Variants in HHLA1 observed in about 807,000 individuals in gnomAD.
HHLA1 encodes HHLA1 neighbor of OC90.
In HHLA1, 72 loss-of-function variants were observed where a neutral mutation model predicts 69.9. The ratio of observed to expected loss-of-function variants is 1.03; its 90% CI spans 0.85 to 1.25. The LOEUF (loss-of-function observed/expected upper bound fraction) is 1.25, where lower values mean the gene tolerates loss of function less well. HHLA1 is among the 50% of genes most tolerant of loss of function. HHLA1 has a pLI of 0.00. For missense variants in HHLA1, 685 were observed against 642.2 expected (o/e 1.07, Z -0.72); for synonymous variants, 252 against 233.2 (o/e 1.08, Z -0.73).
chr8:132,081,780 A>G (rs1299032728), intron 10 of HHLA1, among the ~76,000 whole-genome samples: 1 of 152,304 alleles, frequency 6.6e-6, no homozygotes, highest in Admixed American at 6.5e-5. Flanking sequence ...CTCGAGCTTC[A>G]TGTGTACGGA....
chr8:132,064,454 A>G (rs1336631804), intron 16 of HHLA1, among the ~76,000 whole-genome samples: 1 of 152,144 alleles, frequency 6.6e-6, no homozygotes, highest in Admixed American at 6.5e-5. Context: ...AAGATTTCCT[A>G]TTTCCTCTCC....
intron 1 of HHLA1, among the ~76,000 whole-genome samples, chr8:132,110,240 G>A (rs1824274069): frequency 6.6e-6 from 1 of 152,190 alleles, no homozygotes; most frequent in Non-Finnish European, 1.5e-5. Flanking sequence ...AGTGACACAT[G>A]TTCTGAGGCA....
chr8:132,073,541 A>G (rs879646195), intron 14 of HHLA1, among the ~76,000 whole-genome samples: 1 of 152,212 alleles, frequency 6.6e-6, no homozygotes, highest in Admixed American at 6.5e-5. Context: ...AGAAGTATAC[A>G]GAAGAGGACA....
intron 1 of HHLA1, among the ~76,000 whole-genome samples, chr8:132,106,847 G>A (rs1449172622): frequency 6.6e-6 from 1 of 152,210 alleles, no homozygotes; most frequent in African/African-American, 2.4e-5. Flanking sequence ...AGGGTGACTG[G>A]GGGTGGAAGT....
rs773869713 is a variant in HHLA1, at chr8:132,099,004, C to T, written c.200-42G>A. 47 of 1,391,010 alleles carry T rather than the reference C, an allele frequency of 3.4e-5. No individual in the cohort carries two copies. The African/African-American group carries it at 3.8e-4, about 11-fold the overall frequency. 86.2% of individuals were successfully genotyped at this position (1,391,010 alleles called of 1,614,324 possible). On this transcript the variant is annotated intron_variant, in intron 4 of 16. Coordinates refer to ENST00000414222, the MANE Select transcript of HHLA1 (RefSeq NM_001145095.3). ...GATAATGTCACTGGCAGGCTTTTCT[C>T]GGCAAGAGAAAAAGTTTCTCATTTC...
chr8:132,077,701 G>T, intron 12 of HHLA1, 25 bp downstream of exon 12: 1 of 1,548,632 alleles, frequency 6.5e-7, no homozygotes. Context: ...AAACGGGAGA[G>T]GTAGAAGTGA....
chr8:132,106,198 G>A (rs1017016116), intron 1 of HHLA1, among the ~76,000 whole-genome samples: 1 of 152,214 alleles, frequency 6.6e-6, no homozygotes, highest in African/African-American at 2.4e-5. Context: ...TTATCTGGAA[G>A]GTGAATTGGG....
chr8:132,076,589 G>A, intron 12 of HHLA1, 46 bp from the exon 13 acceptor site: 5 of 1,325,162 alleles, frequency 3.8e-6, no homozygotes, highest in Non-Finnish European at 5.0e-6. Context: ...CTTCTAGGGG[G>A]CCCTGAGGGA....
intron 5 of HHLA1, among the ~76,000 whole-genome samples, chr8:132,096,964 T>A (rs1362032691): frequency 2.6e-5 from 4 of 152,164 alleles, no homozygotes; most frequent in Non-Finnish European, 2.9e-5. Context: ...CATGACCCAC[T>A]GTGCCCGGTC....
chr8:132,075,518 C>T (rs928341349), intron 14 of HHLA1, among the ~76,000 whole-genome samples: 8 of 152,198 alleles, frequency 5.3e-5, no homozygotes, highest in African/African-American at 1.4e-4. Flanking sequence ...TCGTCTAGAT[C>T]CATGAGAATT....
At chr8:132,093,128 G>A (rs1823970922) in intron 7 of HHLA1, among the ~76,000 whole-genome samples, 1 of 152,176 alleles carries the variant, frequency 6.6e-6, no homozygotes, top group Admixed American at 6.5e-5. Context: ...ATATTAGCTG[G>A]GGTACATAGG....
chr8:132,089,504 A>G lies in HHLA1; in HGVS notation c.532+12T>C, dbSNP rs1168047296. On this transcript the variant is annotated intron_variant, in intron 8 of 16. Transcript: ENST00000414222. ...CCTCAAAGTTGCCAAAGCGTTTTCA[A>G]GATGAACACACCTGAGAGGATGGAG... The G allele has an allele frequency of 6.9e-7, 1 of 1,450,702 alleles. No homozygotes were observed. Among genetic ancestry groups the G allele is most frequent in the East Asian group, 2.5e-5 (1 of 40,560 alleles). 89.9% of individuals were successfully genotyped at this position (1,450,702 alleles called of 1,614,324 possible).
chr8:132,079,675 C>T (rs770534221), intron 11 of HHLA1, 43 bp downstream of exon 11: 20 of 1,495,558 alleles, frequency 1.3e-5, no homozygotes, highest in South Asian at 2.7e-5. Context: ...GTAACAGGAG[C>T]GAGACATAGC....
chr8:132,085,914 G>C (rs1823852793), intron 10 of HHLA1, among the ~76,000 whole-genome samples: 1 of 151,920 alleles, frequency 6.6e-6, no homozygotes, highest in Non-Finnish European at 1.5e-5. Flanking sequence ...CACTTCTTTT[G>C]TGATTCTTCA....
chr8:132,090,245 C>T (rs949632051), intron 7 of HHLA1, among the ~76,000 whole-genome samples: 11 of 152,160 alleles, frequency 7.2e-5, no homozygotes, highest in African/African-American at 2.4e-4. Flanking sequence ...AGGGCCATTG[C>T]CTGACATGGT....
rs865884874 is a variant in HHLA1 at position 132,084,058 on chromosome 8, A to G, written c.676+3595T>C. Among the ~76,000 whole-genome samples the G allele has an allele frequency of 5.4e-3, 818 of 152,124 alleles. 3 individuals are homozygous for G. Among genetic ancestry groups the G allele is most frequent in the South Asian group, 0.037 (176 of 4,798 alleles). On this transcript the variant is annotated intron_variant, in intron 10 of 16. Transcript: ENST00000414222. ...GGCTGGATTTTTATATTTGATGAAAAAGAGCCTAAATGCTATCTGATTTGG... is the reference window on the plus strand; with the variant it reads ...GGCTGGATTTTTATATTTGATGAAAGAGAGCCTAAATGCTATCTGATTTGG...
chr8:132,068,970 A>T (rs768052034), intron 15 of HHLA1, among the ~76,000 whole-genome samples: 4 of 152,208 alleles, frequency 2.6e-5, no homozygotes, highest in Non-Finnish European at 5.9e-5. Context: ...ATAATTCTGT[A>T]TGTTTTATTT....
chr8:132,071,321 A>G lies in HHLA1; in HGVS notation c.1469+19T>C. 1 of 1,544,434 alleles carries G rather than the reference A, an allele frequency of 6.5e-7. No individual in the cohort carries two copies. Among genetic ancestry groups the G allele is most frequent in the East Asian group, 2.4e-5 (1 of 40,874 alleles). ...GCTATAAATATTCCATGTGAAAAGA[A>G]GCCACTGGGCCAAGTTACCTCATGT... On this transcript the variant is annotated intron_variant, in intron 15 of 16. Coordinates refer to ENST00000414222, the MANE Select transcript of HHLA1 (RefSeq NM_001145095.3).
intron 14 of HHLA1, among the ~76,000 whole-genome samples, chr8:132,074,543 A>C (rs770644458): frequency 2.0e-5 from 3 of 152,190 alleles, no homozygotes; most frequent in Non-Finnish European, 4.4e-5. Context: ...GTACAGTAGG[A>C]GCCCAATAAA....
Sources: gnomAD v4.1 joint callset for allele counts (sites outside exome capture counted in the v4.1 genomes callset) on GRCh38, gnomAD v4.1.1 for gene constraint, MANE v1.5 for transcripts, NCBI Gene and HGNC (gene_info 2026-07-23, HGNC 2026-07-21) for gene names.